Variants in POU2AF2 observed in about 807,000 individuals in gnomAD.
The protein encoded by POU2AF2 is POU class 2 homeobox associating factor 2.
At chr11:111,246,231 A>G in the POU2AF2 span, among the ~76,000 whole-genome samples, 5,962 of 152,324 alleles carry the variant, frequency 0.039, 318 homozygotes, top group East Asian at 0.26. Context: ...GCTCTCAACT[A>G]TAGAGAAAGT....
the POU2AF2 span, chr11:111,284,490 C>T: frequency 1.6e-6 from 2 of 1,271,282 alleles, no homozygotes; most frequent in Non-Finnish European, 2.1e-6. Flanking sequence ...ACCCTGTAGA[C>T]TCCAGAGGCT....
chr11:111,268,201 T>C, the POU2AF2 span, among the ~76,000 whole-genome samples: 3 of 152,188 alleles, frequency 2.0e-5, no homozygotes, highest in African/African-American at 7.2e-5. Flanking sequence ...ATATTGAATC[T>C]GTGATGGGAA....
the POU2AF2 span, among the ~76,000 whole-genome samples, chr11:111,272,513 A>G: frequency 6.6e-6 from 1 of 152,250 alleles, no homozygotes; most frequent in Non-Finnish European, 1.5e-5. Context: ...GAACCCAGAC[A>G]TTAGTTGTCA....
the POU2AF2 span, chr11:111,284,064 A>G: frequency 8.1e-6 from 13 of 1,604,960 alleles, no homozygotes; most frequent in Non-Finnish European, 1.1e-5. Context: ...TGTGTTTTTC[A>G]TTTGGCAACA....
the POU2AF2 span, chr11:111,281,463 C>G: frequency 6.2e-7 from 1 of 1,610,924 alleles, no homozygotes; most frequent in Non-Finnish European, 8.5e-7. Flanking sequence ...ATTCAATAAG[C>G]AATTATTCCC....
chr11:111,278,464 C>A, the POU2AF2 span, among the ~76,000 whole-genome samples: 2 of 152,132 alleles, frequency 1.3e-5, no homozygotes, highest in Non-Finnish European at 2.9e-5. Flanking sequence ...GAGAAGGGGC[C>A]TTTGGGAGGT....
At chr11:111,256,718 C>G in the POU2AF2 span, among the ~76,000 whole-genome samples, 1 of 152,236 alleles carries the variant, frequency 6.6e-6, no homozygotes, top group African/African-American at 2.4e-5. Flanking sequence ...GCTCTGTGAT[C>G]TTACTGGCTG....
At chr11:111,286,009 T>C in the POU2AF2 span, 13 of 1,613,760 alleles carry the variant, frequency 8.1e-6, no homozygotes, top group African/African-American at 9.3e-5. Flanking sequence ...TGAAAGAAGA[T>C]GGGAGTATTG....
the POU2AF2 span, among the ~76,000 whole-genome samples, chr11:111,275,562 G>A: frequency 2.6e-5 from 4 of 152,144 alleles, no homozygotes; most frequent in African/African-American, 9.7e-5. Context: ...ATCTTCTAGA[G>A]GAAAGCAGCC....
chr11:111,281,482 T>C, the POU2AF2 span: 5 of 1,603,392 alleles, frequency 3.1e-6, no homozygotes, highest in Admixed American at 8.3e-5. Flanking sequence ...CCTTTTGAAT[T>C]TAAATCAAGC....
chr11:111,260,374 C>A, the POU2AF2 span, among the ~76,000 whole-genome samples: 1 of 152,088 alleles, frequency 6.6e-6, no homozygotes, highest in African/African-American at 2.4e-5. Flanking sequence ...ATGCCAAATC[C>A]CTGGGACCGG....
chr11:111,257,429 G>A, the POU2AF2 span, among the ~76,000 whole-genome samples: 4 of 149,622 alleles, frequency 2.7e-5, no homozygotes, highest in African/African-American at 4.9e-5. Context: ...GCGCAATCTC[G>A]GCTCACTGCA....
At chr11:111,268,683 G>A in the POU2AF2 span, among the ~76,000 whole-genome samples, 3 of 151,584 alleles carry the variant, frequency 2.0e-5, no homozygotes, top group African/African-American at 7.3e-5. Context: ...ACAGGCACAC[G>A]CCACCATGCC....
chr11:111,256,962 T>C, the POU2AF2 span, among the ~76,000 whole-genome samples: 1 of 152,266 alleles, frequency 6.6e-6, no homozygotes, highest in South Asian at 2.1e-4. Context: ...CTGCCATCCA[T>C]GTCTTTATAA....
the POU2AF2 span, among the ~76,000 whole-genome samples, chr11:111,281,945 T>C: frequency 6.6e-6 from 1 of 152,138 alleles, no homozygotes; most frequent in African/African-American, 2.4e-5. Context: ...TTAGTTCAAC[T>C]CAGACGCGGC....
the POU2AF2 span, among the ~76,000 whole-genome samples, chr11:111,278,624 G>A: frequency 6.6e-6 from 1 of 152,016 alleles, no homozygotes; most frequent in East Asian, 1.9e-4. Flanking sequence ...CCAGCTTTCT[G>A]CAAACCAGAA....
chr11:111,271,968 G>C, the POU2AF2 span, among the ~76,000 whole-genome samples: 1 of 152,170 alleles, frequency 6.6e-6, no homozygotes, highest in Non-Finnish European at 1.5e-5. Flanking sequence ...AGTGAGCCAA[G>C]ATTGTGTCAT....
chr11:111,274,127 T>C, the POU2AF2 span, among the ~76,000 whole-genome samples: 1 of 152,160 alleles, frequency 6.6e-6, no homozygotes, highest in Non-Finnish European at 1.5e-5. Flanking sequence ...TGAAGGACCC[T>C]GGCTTAGGCT....
chr11:111,277,853 T>C, the POU2AF2 span, among the ~76,000 whole-genome samples: 4 of 152,176 alleles, frequency 2.6e-5, no homozygotes, highest in South Asian at 2.1e-4. Context: ...GGCACAGATC[T>C]TCAAGGAAAG....
Sources: allele counts gnomAD v4.1 joint callset (sites outside exome capture counted in the v4.1 genomes callset), GRCh38; gene constraint gnomAD v4.1.1; transcripts MANE v1.5; gene names NCBI Gene and HGNC (gene_info 2026-07-23, HGNC 2026-07-21).